ADGRL1: variants seen among roughly 807,000 people sequenced by gnomAD.
The protein encoded by ADGRL1 is CIRL-1.
ADGRL1 carries 31 observed loss-of-function variants against 148.9 expected under a neutral mutation model. The observed-to-expected ratio is 0.21, with a 90% CI of 0.16 to 0.28. ADGRL1 has a LOEUF of 0.28. ADGRL1 is among the 10% of genes least tolerant of loss of function. ADGRL1 has a pLI of 1.00. For synonymous variants in ADGRL1, 937 were observed against 900.3 expected, an observed-to-expected ratio of 1.04 and a Z score of -0.73; for missense variants, 1,521 against 2,058.8, an observed-to-expected ratio of 0.74 and a Z score of 5.05.
Position 14,177,703 on chromosome 19 carries a change from C to G in ADGRL1, c.112G>C (p.Glu38Gln). Residue 38 changes from glutamate to glutamine, a missense_variant, in exon 3 of 23, where the codon GAG becomes CAG. Coordinates refer to ENST00000361434, the MANE Select transcript of ADGRL1 (RefSeq NM_014921.5). ...ATGGGGTAGCCTTCACACGCCAGCTCCCGGCGCATCAGCCCGAACGGGAGC... is the reference window on the plus strand; with the variant it reads ...ATGGGGTAGCCTTCACACGCCAGCTGCCGGCGCATCAGCCCGAACGGGAGC... ...AGLPFGLMRR[E>Q]LACEGYPIEL... 6.2e-7 allele frequency: 1 copy of G among 1,613,850 alleles called. No individual in the cohort carries two copies. Among genetic ancestry groups the G allele is most frequent in the Non-Finnish European group, 8.5e-7 (1 of 1,180,014 alleles).
chr19:14,176,463 A>C (rs373744969), intron 3 of ADGRL1, among the ~76,000 whole-genome samples: 5 of 152,286 alleles, frequency 3.3e-5, no homozygotes, highest in East Asian at 3.9e-4. Context: ...CATTCACCCC[A>C]CACACAATCA....
intron 2 of ADGRL1, among the ~76,000 whole-genome samples, chr19:14,179,887 G>A (rs1011013499): frequency 2.6e-5 from 4 of 152,192 alleles, no homozygotes; most frequent in Admixed American, 2.6e-4. Flanking sequence ...CTGTACTCCA[G>A]CCTGGGCGAC....
intron 18 of ADGRL1, among the ~76,000 whole-genome samples, 189 bp from the exon 19 acceptor site, chr19:14,153,101 G>A (rs577900413): frequency 6.6e-6 from 1 of 152,170 alleles, no homozygotes; most frequent in Non-Finnish European, 1.5e-5. Flanking sequence ...ACAGCCAGCC[G>A]ATCAGGTTTC....
At position 14,147,823 on chromosome 19, in the gene ADGRL1, G is replaced by A. The variant is rs994927721; in HGVS notation, c.*3050C>T. ...AAAACTTTTTGTTTTTTTCTGAAACGTTCTTGTTGTTATGAGCCTTTTGTT... is the reference window on the plus strand; with the variant it reads ...AAAACTTTTTGTTTTTTTCTGAAACATTCTTGTTGTTATGAGCCTTTTGTT... On this transcript the variant is annotated 3_prime_UTR_variant, in exon 23 of 23. Transcript: ENST00000361434. The A allele has an allele frequency of 1.3e-5, 2 of 152,184 alleles. No homozygotes were observed. Among genetic ancestry groups the A allele is most frequent in the South Asian group, 2.1e-4 (1 of 4,818 alleles). 9.4% of individuals were successfully genotyped at this position (152,184 alleles called of 1,614,324 possible).
At position 14,159,042 on chromosome 19, in the gene ADGRL1, TG is replaced by T; in HGVS notation, c.2149+47del. 7.3e-7 allele frequency: 1 copy of T among 1,373,182 alleles called. No homozygotes were observed. 85.1% of individuals were successfully genotyped at this position (1,373,182 alleles called of 1,614,324 possible). On this transcript the variant is annotated intron_variant, in intron 11 of 22. Transcript: ENST00000361434. This position sits in a 1 kb window ranked among gnomAD's most constrained non-coding sequence, Gnocchi z 6.0. Reference sequence around the variant, plus strand: ...GAGACGCTGGCACAGAGCTGGGGGGTGGGGGTGGGGCTGCTTCCCCACCCGA... The same window carrying T: ...GAGACGCTGGCACAGAGCTGGGGGGTGGGGTGGGGCTGCTTCCCCACCCGA...
In ADGRL1 at chr19:14,155,484, G is replaced by T; in HGVS notation, c.3169C>A (p.Leu1057Ile). 2 of 1,614,042 alleles carry T rather than the reference G, an allele frequency of 1.2e-6. No individual in the cohort carries two copies. The highest frequency in any genetic ancestry group is 1.7e-6 in the Non-Finnish European group (2 of 1,179,982). ...GAIALLFLLG[L>I]TWAFGLLFIN... Reference sequence around the variant, plus strand: ...AAGAGGAGGCCGAAAGCCCAGGTGAGGCCCAGCAGGAACAGCAGCGCGATG... The same window carrying T: ...AAGAGGAGGCCGAAAGCCCAGGTGATGCCCAGCAGGAACAGCAGCGCGATG... The change falls in exon 18 of 23, where the codon CTC (leucine) becomes ATC (isoleucine). Residue 1057 changes from leucine to isoleucine, a missense_variant. Leu to Ile is a conservative substitution (Grantham distance 5). This residue lies in a region of ADGRL1 where 185 missense variants were observed against 251.7 expected (regional missense o/e 0.74). Coordinates refer to ENST00000361434, the MANE Select transcript of ADGRL1 (RefSeq NM_014921.5). The surrounding 1 kb of genome is among the most constrained non-coding windows in gnomAD (Gnocchi z 5.0).
intron 3 of ADGRL1, 155 bp from the exon 4 acceptor site, chr19:14,170,946 A>G (rs1188289626): frequency 1.2e-5 from 7 of 583,980 alleles, no homozygotes; most frequent in Non-Finnish European, 2.2e-5. Flanking sequence ...ATCTGTGTCC[A>G]TACCCAAATC....
chr19:14,177,073 CA>C (rs1192156466), intron 3 of ADGRL1, among the ~76,000 whole-genome samples: 1 of 151,514 alleles, frequency 6.6e-6, no homozygotes, highest in Non-Finnish European at 1.5e-5. Flanking sequence ...ACTAAAAATA[CA>C]AAAAAATTAG....
Position 14,155,279 on chromosome 19 carries a change from C to T in ADGRL1, c.3294+80G>A. On this transcript the variant is annotated intron_variant, in intron 18 of 22. Transcript: ENST00000361434. The surrounding 1 kb of genome is among the most constrained non-coding windows in gnomAD (Gnocchi z 5.0). The stretch of plus-strand genomic sequence containing the variant: ...GCTTGAGGGAGCCCCTGAGTCCCCT[C>T]CACCCTCGCCGCCTTCTCCTGGGTA... 3.3e-6 allele frequency: 5 copies of T among 1,532,900 alleles called. No individual in the cohort carries two copies. Among genetic ancestry groups the T allele is most frequent in the Non-Finnish European group, 4.4e-6 (5 of 1,125,538 alleles). 95.0% of individuals were successfully genotyped at this position (1,532,900 alleles called of 1,614,324 possible).
Position 14,155,012 on chromosome 19 carries a change from G to C in ADGRL1, c.3294+347C>G, listed in dbSNP as rs888132233. ...CACAATTCTTTCCAGAACTATGAAT[G>C]TAGGCAGTGCTCCCTCAGGGTGGCT... On this transcript the variant is annotated intron_variant, in intron 18 of 22. Coordinates refer to ENST00000361434, the MANE Select transcript of ADGRL1 (RefSeq NM_014921.5). This position sits in a 1 kb window ranked among gnomAD's most constrained non-coding sequence, Gnocchi z 5.0. The C allele has an allele frequency of 1.2e-5, 2 of 173,630 alleles. No individual in the cohort carries two copies. The highest frequency in any genetic ancestry group is 1.6e-4 in the East Asian group (1 of 6,360). 10.8% of individuals were successfully genotyped at this position (173,630 alleles called of 1,614,324 possible).
At chr19:14,183,263 G>A (rs1459499869) in intron 2 of ADGRL1, among the ~76,000 whole-genome samples, 1 of 150,506 alleles carries the variant, frequency 6.6e-6, no homozygotes, top group African/African-American at 2.4e-5. Context: ...AAGAAGGCCT[G>A]TCCTGGTCCC....
In ADGRL1 at chr19:14,159,080, G is replaced by A; in HGVS notation, c.2149+10C>T. ...GCTTCCCCACCCGAGGCCCCGCCGG[G>A]GACACTGACCATTGCGGCTGTTCTG... On this transcript the variant is annotated intron_variant, in intron 11 of 22. Transcript: ENST00000361434. This position sits in a 1 kb window ranked among gnomAD's most constrained non-coding sequence, Gnocchi z 6.0. 8 of 1,613,494 alleles carry A rather than the reference G, an allele frequency of 5.0e-6. No individual in the cohort carries two copies. The highest frequency in any genetic ancestry group is 6.8e-6 in the Non-Finnish European group (8 of 1,179,996).
At chr19:14,184,293 G>C (rs1194836920) in intron 1 of ADGRL1, among the ~76,000 whole-genome samples, 1 of 152,166 alleles carries the variant, frequency 6.6e-6, no homozygotes, top group Non-Finnish European at 1.5e-5. Flanking sequence ...AGGCAGGCGG[G>C]GTGGGAGGCG....
intron 2 of ADGRL1, among the ~76,000 whole-genome samples, chr19:14,183,193 CAGAGAG>C (rs3837937): frequency 2.1e-4 from 31 of 145,310 alleles, no homozygotes; most frequent in Non-Finnish European, 3.0e-4. Context: ...GATGTAATCA[CAGAGAG>C]AGAGAGAGAG....
chr19:14,189,564 C>T (rs886293388), intron 1 of ADGRL1, among the ~76,000 whole-genome samples: 7 of 152,154 alleles, frequency 4.6e-5, no homozygotes, highest in African/African-American at 1.7e-4. Flanking sequence ...CTCAGCGCCA[C>T]GTTTCCAAGG....
chr19:14,180,000 G>GAGGT (rs1255814199), intron 2 of ADGRL1, among the ~76,000 whole-genome samples: 1 of 152,184 alleles, frequency 6.6e-6, no homozygotes, highest in East Asian at 1.9e-4. Context: ...AGTCTCAGCT[G>GAGGT]ACTTCTAGAG....
At chr19:14,179,845 G>C (rs1381533664) in intron 2 of ADGRL1, among the ~76,000 whole-genome samples, 1 of 152,126 alleles carries the variant, frequency 6.6e-6, no homozygotes, top group Non-Finnish European at 1.5e-5. Flanking sequence ...AGGAGGCGGA[G>C]GTTGCAGTGA....
Position 14,159,249 on chromosome 19 carries a change from T to C in ADGRL1, c.2024-34A>G, listed in dbSNP as rs368599478. On this transcript the variant is annotated intron_variant, in intron 10 of 22. Coordinates refer to ENST00000361434, the MANE Select transcript of ADGRL1 (RefSeq NM_014921.5). This position sits in a 1 kb window ranked among gnomAD's most constrained non-coding sequence, Gnocchi z 6.0. Reference sequence around the variant, plus strand: ...ACAGGGGAAGGCAAGGCATACACAGTTGGGGTCTGTTCCCAGTCCAGGGGC... The same window carrying C: ...ACAGGGGAAGGCAAGGCATACACAGCTGGGGTCTGTTCCCAGTCCAGGGGC... 2.7e-5 allele frequency: 44 copies of C among 1,610,790 alleles called. No individual in the cohort carries two copies. The African/African-American group carries it at 4.7e-4, about 17-fold the overall frequency.
intron 1 of ADGRL1, chr19:14,191,360 T>C (rs1475201821): frequency 2.2e-6 from 1 of 456,692 alleles, no homozygotes; most frequent in Admixed American, 2.3e-5. Flanking sequence ...TGTTTTCTTC[T>C]TGGTAAAACG....
Sources: gnomAD v4.1 joint callset for allele counts (sites outside exome capture counted in the v4.1 genomes callset) on GRCh38, gnomAD v4.1.1 for gene constraint, gnomAD v4.1.1 regional missense constraint, Gnocchi (gnomAD v3.1) non-coding constraint, MANE v1.5 for transcripts, NCBI Gene and HGNC (gene_info 2026-07-23, HGNC 2026-07-21) for gene names.